The following DLGAP2 variants were observed in gnomAD, a reference collection of about 807,000 sequenced individuals.
The protein encoded by DLGAP2 is disks large-associated protein 2.
In DLGAP2, 26 loss-of-function variants were observed where a neutral mutation model predicts 100.3. The ratio of observed to expected loss-of-function variants is 0.26; its 90% CI spans 0.19 to 0.36. DLGAP2 has a LOEUF of 0.36. Ranked by LOEUF, DLGAP2 falls within the 10% of genes least tolerant of loss-of-function variation. The pLI is 1.00. For missense variants in DLGAP2, 1,858 were observed against 1,453.2 expected (o/e 1.28, Z -4.53); for synonymous variants, 886 against 630.1 (o/e 1.41, Z -6.08).
rs1292931862 is a variant in DLGAP2, at chr8:1,333,483, T to G, written c.106+74600T>G. 3.9e-5 allele frequency among the ~76,000 whole-genome samples: 6 copies of G among 152,120 alleles called. No homozygotes were observed. In the East Asian group the frequency reaches 1.2e-3, roughly 29 times the overall value. ...CATCAGATTGTCTAAATAGCGATGT[T>G]TTGTGAGCTCTTCCACAGACAGGGG... On this transcript the variant is annotated intron_variant, in intron 3 of 14. Coordinates refer to ENST00000637795, the MANE Select transcript of DLGAP2 (RefSeq NM_001346810.2).
intron 1 of DLGAP2, among the ~76,000 whole-genome samples, chr8:758,322 C>G (rs541806602): frequency 6.6e-6 from 1 of 152,262 alleles, no homozygotes; most frequent in African/African-American, 2.4e-5. Flanking sequence ...GAAGGCCTTT[C>G]TGTAGGTAGA....
At chr8:1,417,984 A>G (rs1356057925) in intron 3 of DLGAP2, among the ~76,000 whole-genome samples, 2 of 152,220 alleles carry the variant, frequency 1.3e-5, no homozygotes, top group Non-Finnish European at 2.9e-5. Flanking sequence ...AAATATCTGA[A>G]ATCAGCACGT....
At chr8:1,451,735 T>C (rs1372818066) in intron 3 of DLGAP2, among the ~76,000 whole-genome samples, 1 of 152,130 alleles carries the variant, frequency 6.6e-6, no homozygotes, top group Non-Finnish European at 1.5e-5. Flanking sequence ...ACTCCATCTA[T>C]GTCCAGGAGC....
At chr8:945,866 G>A (rs139035589) in intron 2 of DLGAP2, among the ~76,000 whole-genome samples, 45 of 152,030 alleles carry the variant, frequency 3.0e-4, no homozygotes, top group African/African-American at 1.0e-3. Context: ...CTACATTAAT[G>A]TTGTTTTGTC....
chr8:1,216,491 C>G (rs1798216141), intron 2 of DLGAP2, among the ~76,000 whole-genome samples: 1 of 151,724 alleles, frequency 6.6e-6, no homozygotes, highest in South Asian at 2.1e-4. Flanking sequence ...TGCCACCATG[C>G]CTGGCTAATT....
chr8:1,407,687 G>T (rs868102322), intron 3 of DLGAP2, among the ~76,000 whole-genome samples: 1 of 102,174 alleles, frequency 9.8e-6, no homozygotes. Context: ...CTTACTGAGC[G>T]CCACCTCCTC....
chr8:1,214,791 G>T lies in DLGAP2; in HGVS notation c.74-44060G>T, dbSNP rs182288210. ...AAATATTTTCTATTGTTACTATCAA[G>T]ATTTTCTAATTAGCCTTGACTTCCA... On this transcript the variant is annotated intron_variant, in intron 2 of 14. Transcript: ENST00000637795. Among the ~76,000 whole-genome samples the T allele has an allele frequency of 5.9e-5, 9 of 152,324 alleles. No individual in the cohort carries two copies. In the East Asian group the frequency reaches 1.5e-3, roughly 26 times the overall value.
At chr8:864,379 AACACTAC>A (rs1477517380) in intron 1 of DLGAP2, among the ~76,000 whole-genome samples, 1 of 152,186 alleles carries the variant, frequency 6.6e-6, no homozygotes, top group Non-Finnish European at 1.5e-5. Flanking sequence ...AGATGATGGA[AACACTAC>A]ACACCCTAAT....
intron 2 of DLGAP2, among the ~76,000 whole-genome samples, chr8:962,963 T>G (rs1799761660): frequency 6.6e-6 from 1 of 152,210 alleles, no homozygotes. Context: ...GAGGCAGGTC[T>G]TAGGTTCGGG....
At chr8:917,786 G>C (rs1798627179) in intron 2 of DLGAP2, among the ~76,000 whole-genome samples, 1 of 151,924 alleles carries the variant, frequency 6.6e-6, no homozygotes, top group African/African-American at 2.4e-5. Context: ...TCACCGTGTT[G>C]GCCAGGATGG....
intron 1 of DLGAP2, among the ~76,000 whole-genome samples, chr8:839,411 A>G (rs1230446793): frequency 2.0e-5 from 3 of 152,240 alleles, no homozygotes; most frequent in Non-Finnish European, 4.4e-5. Context: ...TAAAAAGACA[A>G]AGACATTTCT....
chr8:1,051,795 T>A (rs1802721222), intron 2 of DLGAP2, among the ~76,000 whole-genome samples: 1 of 152,116 alleles, frequency 6.6e-6, no homozygotes, highest in Non-Finnish European at 1.5e-5. Context: ...AGTCACCTGC[T>A]GAGTCTCCTG....
rs1431552409 is a variant in DLGAP2 at position 840,358 on chromosome 8, C to T, written c.19-67554C>T. On this transcript the variant is annotated intron_variant, in intron 1 of 14. Coordinates refer to ENST00000637795, the MANE Select transcript of DLGAP2 (RefSeq NM_001346810.2). ...TTTGGATTCTGCGAGCGCGTCTACA[C>T]GGTGCACGCCTGCACGTTTCCCTAC... is the stretch of plus-strand genomic sequence containing the variant. Among the ~76,000 whole-genome samples, 11 of 125,366 alleles carry T rather than the reference C, an allele frequency of 8.8e-5. 1 individual carries two copies. The highest frequency in any genetic ancestry group is 2.3e-4 in the African/African-American group (7 of 31,080). The allele number at this position is 125,366 out of a possible 152,430, so 82.2% of individuals were successfully genotyped here.
At chr8:949,927 A>G (rs531821878) in intron 2 of DLGAP2, among the ~76,000 whole-genome samples, 30 of 152,292 alleles carry the variant, frequency 2.0e-4, no homozygotes, top group Middle Eastern at 3.4e-3. Flanking sequence ...AGGAAATGGG[A>G]GTCGTGGAAG....
intron 2 of DLGAP2, among the ~76,000 whole-genome samples, chr8:1,184,367 G>A: frequency 6.6e-6 from 1 of 152,224 alleles, no homozygotes. Context: ...GCGCTTCTGG[G>A]GAGCGGCTGT....
At position 1,136,018 on chromosome 8, in the gene DLGAP2, C is replaced by G. The variant is rs1459881037; in HGVS notation, c.74-122833C>G. On this transcript the variant is annotated intron_variant, in intron 2 of 14. Coordinates refer to ENST00000637795, the MANE Select transcript of DLGAP2 (RefSeq NM_001346810.2). ...TCCAAAAATCAAACTTTATTCAAGT[C>G]AAGAAGCTCATTCTCTTCCTGTGCT... 2.0e-5 allele frequency among the ~76,000 whole-genome samples: 3 copies of G among 152,216 alleles called. No individual in the cohort carries two copies. The East Asian group carries it at 5.8e-4, about 29-fold the overall frequency.
intron 1 of DLGAP2, among the ~76,000 whole-genome samples, chr8:741,589 T>C (rs546307440): frequency 6.6e-5 from 10 of 152,342 alleles, no homozygotes; most frequent in Admixed American, 3.9e-4. Context: ...GTTGCCTTAG[T>C]TCTGGAAGTG....
At chr8:1,489,199 G>A (rs1021999460) in intron 3 of DLGAP2, among the ~76,000 whole-genome samples, 4 of 152,300 alleles carry the variant, frequency 2.6e-5, no homozygotes, top group South Asian at 4.1e-4. Context: ...TGAGCTGCTC[G>A]AGAATGCGAC....
At chr8:1,154,208 G>A (rs532541142) in intron 2 of DLGAP2, among the ~76,000 whole-genome samples, 10 of 152,200 alleles carry the variant, frequency 6.6e-5, no homozygotes, top group South Asian at 6.2e-4. Flanking sequence ...TCACTACGGC[G>A]TCGTCCAAGC....
Sources: allele counts gnomAD v4.1 joint callset (sites outside exome capture counted in the v4.1 genomes callset), GRCh38; gene constraint gnomAD v4.1.1; transcripts MANE v1.5; gene names NCBI Gene and HGNC (gene_info 2026-07-23, HGNC 2026-07-21).